The following CLPB variants were observed in gnomAD, a reference collection of about 807,000 sequenced individuals.
CLPB encodes mitochondrial disaggregase.
Under a neutral mutation model 78.4 loss-of-function variants are expected in CLPB, and 40 were observed. That is an observed-to-expected ratio of 0.51 (90% CI 0.40 to 0.66). The LOEUF is 0.66. Among genes scored for constraint, CLPB ranks in the 30% least tolerant of loss-of-function variants. The pLI is 0.00. For missense variants in CLPB, 780 were observed against 886.9 expected (o/e 0.88, Z 1.53); for synonymous variants, 333 against 348.0 (o/e 0.96, Z 0.48).
rs1321882407 is a variant in CLPB, at chr11:72,394,936, A to T, written c.542+8030T>A. Among the ~76,000 whole-genome samples the T allele has an allele frequency of 8.5e-5, 13 of 152,248 alleles. No individual in the cohort carries two copies. In the East Asian group the frequency reaches 2.5e-3, roughly 30 times the overall value. On this transcript the variant is annotated intron_variant, in intron 3 of 15. Coordinates refer to ENST00000538039, the MANE Select transcript of CLPB (RefSeq NM_001258392.3). ...TCAAGGTACCCTGCTCAGGGGTCCC[A>T]TGTTCTTGGGTTCCCTGCCGGTTGC... is the stretch of plus-strand genomic sequence containing the variant.
At chr11:72,338,235 C>T (rs752464898) in intron 5 of CLPB, among the ~76,000 whole-genome samples, 1 of 152,156 alleles carries the variant, frequency 6.6e-6, no homozygotes, top group African/African-American at 2.4e-5. Context: ...CCCCCTACCC[C>T]CCTGGTACAA....
chr11:72,359,473 G>A (rs894860230), intron 4 of CLPB, among the ~76,000 whole-genome samples: 1 of 152,182 alleles, frequency 6.6e-6, no homozygotes, highest in Non-Finnish European at 1.5e-5. Context: ...GGTTGGGGTA[G>A]GATAAGGAAA....
chr11:72,344,045 AG>A (rs746037498), intron 5 of CLPB, among the ~76,000 whole-genome samples: 38 of 152,258 alleles, frequency 2.5e-4, no homozygotes, highest in Non-Finnish European at 4.3e-4. Context: ...CCCACAGATC[AG>A]GAGAGTCTTC....
chr11:72,405,738 C>A (rs746652624), intron 2 of CLPB, among the ~76,000 whole-genome samples: 7 of 152,080 alleles, frequency 4.6e-5, no homozygotes, highest in Non-Finnish European at 8.8e-5. Context: ...ACCATCCTGG[C>A]TAACACGGTG....
chr11:72,431,887 C>G (rs1467123695), intron 1 of CLPB, among the ~76,000 whole-genome samples: 1 of 152,160 alleles, frequency 6.6e-6, no homozygotes, highest in African/African-American at 2.4e-5. Context: ...CGGCTTTGAC[C>G]ATTATCTATT....
Position 72,434,427 on chromosome 11 carries a change from T to C in CLPB, c.48A>G (p.Leu16=). Residue 16 remains leucine (L), a synonymous_variant, in exon 1 of 16, where the codon CTA becomes CTG. Transcript: ENST00000538039. ...TTGGGGACCTGAGCAGCCGGAGGAG[T>C]AGCCGTGGCGCCAGTGCTTTTCTCC... ...VLRRKALAPR[L]LLRLLRSPTL... 1 of 1,585,898 alleles carries C rather than the reference T, an allele frequency of 6.3e-7. No homozygotes were observed. Among genetic ancestry groups the C allele is most frequent in the Non-Finnish European group, 8.6e-7 (1 of 1,163,932 alleles).
chr11:72,365,438 G>A (rs1366861881), intron 4 of CLPB, among the ~76,000 whole-genome samples: 1 of 152,204 alleles, frequency 6.6e-6, no homozygotes, highest in African/African-American at 2.4e-5. Context: ...AATGGAGAGT[G>A]ACTGATAATG....
intron 4 of CLPB, among the ~76,000 whole-genome samples, chr11:72,361,745 A>C (rs970994142): frequency 1.3e-5 from 2 of 152,232 alleles, no homozygotes; most frequent in Non-Finnish European, 2.9e-5. Flanking sequence ...TTTTACAAAG[A>C]AAACACATCA....
chr11:72,345,508 T>G (rs545647889), intron 5 of CLPB, among the ~76,000 whole-genome samples: 1 of 152,222 alleles, frequency 6.6e-6, no homozygotes, highest in South Asian at 2.1e-4. Flanking sequence ...ACAGGGAGGA[T>G]AAACCAGAAA....
intron 2 of CLPB, chr11:72,428,908 G>C (rs1401733899): frequency 1.3e-5 from 2 of 152,216 alleles, no homozygotes; most frequent in Non-Finnish European, 2.9e-5. Context: ...CAGCTCAATG[G>C]AATATGGTAG....
intron 4 of CLPB, among the ~76,000 whole-genome samples, chr11:72,373,936 G>T (rs555710480): frequency 6.8e-6 from 1 of 147,620 alleles, no homozygotes; most frequent in East Asian, 2.0e-4. Flanking sequence ...CTCCAGTCTG[G>T]GTAACAAGAG....
chr11:72,407,282 C>T (rs1855737841), intron 2 of CLPB, among the ~76,000 whole-genome samples: 1 of 152,222 alleles, frequency 6.6e-6, no homozygotes, highest in Non-Finnish European at 1.5e-5. Context: ...CTTCCACAAG[C>T]AGGACAGAGG....
intron 5 of CLPB, among the ~76,000 whole-genome samples, chr11:72,343,458 T>C (rs566339907): frequency 5.9e-5 from 9 of 152,280 alleles, no homozygotes; most frequent in African/African-American, 1.7e-4. Context: ...GCTGAAGGAA[T>C]TACTCATCTC....
intron 2 of CLPB, among the ~76,000 whole-genome samples, chr11:72,408,666 CAAAAAAAAAA>C (rs576990524): frequency 3.1e-5 from 2 of 64,262 alleles, no homozygotes; most frequent in Admixed American, 3.7e-4. Context: ...GACTCTGTCT[CAAAAAAAAAA>C]AAAAAAAAAA....
At chr11:72,315,245 G>A (rs921162043) in intron 7 of CLPB, among the ~76,000 whole-genome samples, 1 of 152,180 alleles carries the variant, frequency 6.6e-6, no homozygotes, top group South Asian at 2.1e-4. Context: ...AGGCTGGGGA[G>A]GGGGAGGAGT....
intron 5 of CLPB, among the ~76,000 whole-genome samples, chr11:72,338,512 G>A (rs77331289): frequency 0.093 from 14,166 of 152,196 alleles, 1,222 homozygotes; most frequent in African/African-American, 0.22. Flanking sequence ...CCCACTGGAA[G>A]GACTGGCCTA....
At chr11:72,382,194 C>A (rs1854936924) in intron 3 of CLPB, among the ~76,000 whole-genome samples, 1 of 152,140 alleles carries the variant, frequency 6.6e-6, no homozygotes, top group Non-Finnish European at 1.5e-5. Context: ...GGTCCAGACC[C>A]ACTCCAACAG....
intron 2 of CLPB, among the ~76,000 whole-genome samples, chr11:72,413,377 T>TCA (rs1344802853): frequency 6.6e-6 from 1 of 151,948 alleles, no homozygotes; most frequent in African/African-American, 2.4e-5. Flanking sequence ...GCTTTTCTAT[T>TCA]CCTTTTCTAT....
intron 2 of CLPB, chr11:72,410,575 T>G (rs1353603077): frequency 1.3e-5 from 2 of 152,182 alleles, no homozygotes; most frequent in East Asian, 3.8e-4. Context: ...ACAGAGTAAC[T>G]AGGATGATAC....
Sources: gnomAD v4.1 joint callset for allele counts (sites outside exome capture counted in the v4.1 genomes callset) on GRCh38, gnomAD v4.1.1 for gene constraint, MANE v1.5 for transcripts, NCBI Gene and HGNC (gene_info 2026-07-23, HGNC 2026-07-21) for gene names.